The following RAD54B variants were observed in gnomAD, a reference collection of about 807,000 sequenced individuals.
RAD54B encodes the protein RAD54 homolog B, also known as DNA repair and recombination protein RAD54B.
RAD54B carries 78 observed loss-of-function variants against 95.8 expected under a neutral mutation model. That is an observed-to-expected ratio of 0.81 (90% CI 0.68 to 0.98). The LOEUF (loss-of-function observed/expected upper bound fraction) is 0.98. Among genes scored for constraint, RAD54B ranks in the 50% least tolerant of loss-of-function variants. RAD54B has a pLI of 0.00. For synonymous variants in RAD54B, 328 were observed against 354.9 expected, an observed-to-expected ratio of 0.92 and a Z score of 0.85; for missense variants, 957 against 1,056.6, an observed-to-expected ratio of 0.91 and a Z score of 1.31.
chr8:94,408,162 TC>T (rs1429649267), intron 4 of RAD54B, among the ~76,000 whole-genome samples: 2 of 152,186 alleles, frequency 1.3e-5, no homozygotes, highest in Non-Finnish European at 2.9e-5. Flanking sequence ...TACTGACTGT[TC>T]CACATGAGAT....
chr8:94,389,893 G>A (rs1810974842), intron 10 of RAD54B, among the ~76,000 whole-genome samples: 1 of 152,164 alleles, frequency 6.6e-6, no homozygotes, highest in African/African-American at 2.4e-5. Context: ...GCCCCCTGCT[G>A]CTTTCTTCAA....
At chr8:94,431,319 C>T (rs1047576664) in intron 3 of RAD54B, 1 of 976,686 alleles carries the variant, frequency 1.0e-6, no homozygotes, top group South Asian at 4.7e-5. Context: ...TATATAATAG[C>T]TTCAATGGAA....
chr8:94,428,800 A>G (rs889662068), intron 3 of RAD54B: 13 of 985,280 alleles, frequency 1.3e-5, no homozygotes, highest in Non-Finnish European at 1.6e-5. Flanking sequence ...CTCAACAAAA[A>G]CTGCTAATGT....
At chr8:94,463,853 T>C (rs555067741) in intron 2 of RAD54B, among the ~76,000 whole-genome samples, 30 of 138,710 alleles carry the variant, frequency 2.2e-4, no homozygotes, top group African/African-American at 6.0e-4. Context: ...AGGTGGAGGC[T>C]GCAGTGAGCC....
chr8:94,451,510 G>C (rs1343486342), intron 3 of RAD54B, among the ~76,000 whole-genome samples: 1 of 152,146 alleles, frequency 6.6e-6, no homozygotes, highest in Admixed American at 6.5e-5. Flanking sequence ...ACTCTCCATA[G>C]ATACTAATTT....
intron 1 of RAD54B, among the ~76,000 whole-genome samples, chr8:94,468,701 C>T (rs1813091984): frequency 6.6e-6 from 1 of 151,750 alleles, no homozygotes; most frequent in South Asian, 2.1e-4. Context: ...TGGTGGCGGG[C>T]GCCTGTGGTC....
At chr8:94,395,416 C>T (rs1811119902) in intron 8 of RAD54B, among the ~76,000 whole-genome samples, 1 of 152,114 alleles carries the variant, frequency 6.6e-6, no homozygotes, top group African/African-American at 2.4e-5. Flanking sequence ...TAACGTTGGT[C>T]CTGAAATCAC....
chr8:94,407,352 T>A, intron 5 of RAD54B, 87 bp downstream of exon 5: 2 of 1,364,244 alleles, frequency 1.5e-6, no homozygotes. Flanking sequence ...CCTAAAACTT[T>A]TAAAACAAAA....
intron 5 of RAD54B, among the ~76,000 whole-genome samples, chr8:94,404,665 T>C (rs764299102): frequency 6.6e-6 from 1 of 152,202 alleles, no homozygotes; most frequent in Non-Finnish European, 1.5e-5. Context: ...AAATTTAACA[T>C]ACAGGCTTTC....
intron 1 of RAD54B, among the ~76,000 whole-genome samples, chr8:94,470,807 A>C (rs1813152700): frequency 6.6e-6 from 1 of 152,100 alleles, no homozygotes; most frequent in African/African-American, 2.4e-5. Flanking sequence ...TATCAATTAC[A>C]GTAGGGGGAA....
chr8:94,399,654 G>A (rs368820817), intron 7 of RAD54B, 33 bp from the exon 8 acceptor site: 1 of 1,560,180 alleles, frequency 6.4e-7, no homozygotes, highest in African/African-American at 1.4e-5. Flanking sequence ...TAAAAATCAG[G>A]AACAGAAACT....
At chr8:94,471,178 T>C (rs551502808) in intron 1 of RAD54B, among the ~76,000 whole-genome samples, 1 of 151,390 alleles carries the variant, frequency 6.6e-6, no homozygotes, top group African/African-American at 2.4e-5. Flanking sequence ...AGGCATGAAA[T>C]CTTACGTACA....
intron 2 of RAD54B, among the ~76,000 whole-genome samples, chr8:94,461,098 A>AT (rs565261178): frequency 3.4e-5 from 5 of 147,622 alleles, no homozygotes; most frequent in East Asian, 2.0e-4. Flanking sequence ...AAATGGTTGA[A>AT]TTTTTTTTAA....
intron 3 of RAD54B, among the ~76,000 whole-genome samples, chr8:94,456,124 G>A (rs1427201615): frequency 6.6e-6 from 1 of 152,148 alleles, no homozygotes; most frequent in African/African-American, 2.4e-5. Flanking sequence ...TGGGTCCTAT[G>A]GCCATTCTAC....
chr8:94,450,055 T>C (rs1005918118), intron 3 of RAD54B, among the ~76,000 whole-genome samples: 2 of 152,202 alleles, frequency 1.3e-5, no homozygotes, highest in Admixed American at 1.3e-4. Flanking sequence ...ACCTAATTTA[T>C]TCCCTGACCC....
intron 3 of RAD54B, among the ~76,000 whole-genome samples, chr8:94,433,960 A>T (rs894015674): frequency 1.3e-5 from 2 of 151,936 alleles, no homozygotes; most frequent in African/African-American, 4.8e-5. Flanking sequence ...AATATCAGAT[A>T]TTTATCTAAG....
intron 3 of RAD54B, among the ~76,000 whole-genome samples, chr8:94,443,579 C>G (rs1314027333): frequency 1.3e-5 from 2 of 151,888 alleles, no homozygotes; most frequent in Non-Finnish European, 2.9e-5. Context: ...ATAACTGACT[C>G]TTTCCTCTAC....
chr8:94,456,526 T>C (rs10111789), intron 3 of RAD54B, among the ~76,000 whole-genome samples: 2,366 of 152,166 alleles, frequency 0.016, 22 homozygotes, highest in Non-Finnish European at 0.021. Context: ...TGCATCTACA[T>C]AGAGAAAAAG....
At chr8:94,382,570 A>G (rs1810770848) in intron 11 of RAD54B, among the ~76,000 whole-genome samples, 1 of 152,196 alleles carries the variant, frequency 6.6e-6, no homozygotes, top group Admixed American at 6.5e-5. Flanking sequence ...AAAACAGAAA[A>G]TCCAACACAG....
Sources: gnomAD v4.1 joint callset for allele counts (sites outside exome capture counted in the v4.1 genomes callset) on GRCh38, gnomAD v4.1.1 for gene constraint, MANE v1.5 for transcripts, NCBI Gene and HGNC (gene_info 2026-07-23, HGNC 2026-07-21) for gene names.